The following TMEM45A variants were observed in gnomAD, a reference collection of about 807,000 sequenced individuals.
TMEM45A encodes the protein DNA polymerase-transactivated protein 4.
Under a neutral mutation model 32.0 loss-of-function variants are expected in TMEM45A, and 25 were observed. That is an observed-to-expected ratio of 0.78 (90% CI 0.57 to 1.09). TMEM45A has a LOEUF of 1.09. TMEM45A is among the 50% of genes least tolerant of loss of function. The probability of loss-of-function intolerance (pLI) is 0.00; values close to 1 mark genes in which losing one functional copy is unlikely to be tolerated. For synonymous variants in TMEM45A, 122 were observed against 114.8 expected (o/e 1.06, Z -0.40); for missense variants, 302 against 325.0 (o/e 0.93, Z 0.54).
intron 1 of TMEM45A, among the ~76,000 whole-genome samples, chr3:100,501,489 G>A (rs1708007806): frequency 6.6e-6 from 1 of 152,172 alleles, no homozygotes; most frequent in South Asian, 2.1e-4. Flanking sequence ...TGCTGATGAT[G>A]CTTAGAACTG....
At chr3:100,521,312 T>C (rs1034258391) in intron 1 of TMEM45A, among the ~76,000 whole-genome samples, 1 of 151,918 alleles carries the variant, frequency 6.6e-6, no homozygotes, top group East Asian at 1.9e-4. Context: ...TGGAGTGCAA[T>C]GGTGCAATCT....
chr3:100,550,489 T>C (rs1706073986), intron 1 of TMEM45A, among the ~76,000 whole-genome samples: 1 of 152,258 alleles, frequency 6.6e-6, no homozygotes, highest in Admixed American at 6.5e-5. Flanking sequence ...GAGTCACTAA[T>C]GAAGACTTAG....
chr3:100,565,514 G>A (rs1484041466), intron 4 of TMEM45A, among the ~76,000 whole-genome samples: 3 of 151,900 alleles, frequency 2.0e-5, no homozygotes, highest in African/African-American at 7.3e-5. Context: ...GTAATCATGG[G>A]CAAATCACTA....
chr3:100,529,964 G>T (rs986415961), intron 1 of TMEM45A, among the ~76,000 whole-genome samples: 8 of 152,176 alleles, frequency 5.3e-5, no homozygotes, highest in Non-Finnish European at 8.8e-5. Context: ...ACATGTTTAC[G>T]TGTACAGACC....
intron 1 of TMEM45A, among the ~76,000 whole-genome samples, chr3:100,542,327 A>G (rs1358177081): frequency 1.3e-5 from 2 of 152,194 alleles, no homozygotes; most frequent in Non-Finnish European, 1.5e-5. Context: ...CTATGATTTC[A>G]TAGACATATG....
At chr3:100,575,363 C>CT (rs59739893) in intron 5 of TMEM45A, among the ~76,000 whole-genome samples, 1,141 of 62,772 alleles carry the variant, frequency 0.018, 113 homozygotes, top group African/African-American at 0.036. Context: ...TATGGATTCT[C>CT]TTTTTTTTTT....
intron 1 of TMEM45A, among the ~76,000 whole-genome samples, chr3:100,507,763 G>C (rs958214392): frequency 6.6e-6 from 1 of 152,056 alleles, no homozygotes; most frequent in African/African-American, 2.4e-5. Context: ...AAAGTAGATA[G>C]AGTAAGTTTA....
chr3:100,556,734 TA>T (rs1238974023), intron 2 of TMEM45A, 25 bp from the exon 3 acceptor site: 11 of 1,594,602 alleles, frequency 6.9e-6, no homozygotes, highest in Non-Finnish European at 9.4e-6. Context: ...GCAGAGTTGC[TA>T]AAACTGTGAT....
chr3:100,546,823 G>T (rs1705987941), intron 1 of TMEM45A, among the ~76,000 whole-genome samples: 1 of 152,180 alleles, frequency 6.6e-6, no homozygotes, highest in South Asian at 2.1e-4. Context: ...TTGTTCTTAG[G>T]TAAGGGATTT....
rs868061900 is a variant in TMEM45A, at chr3:100,511,475, G to A, written c.-4+18547G>A. ...CCCTAAAAGAGCTCCTGAAGGAAGC[G>A]CTAAACATGGAAAGGAACAACTGGT... On this transcript the variant is annotated intron_variant, in intron 1 of 5. Coordinates refer to ENST00000323523, the MANE Select transcript of TMEM45A (RefSeq NM_018004.3). 2.8e-3 allele frequency among the ~76,000 whole-genome samples: 419 copies of A among 151,956 alleles called. 1 individual carries two copies. The highest frequency in any genetic ancestry group is 9.2e-3 in the African/African-American group (381 of 41,448).
chr3:100,576,130 T>G (rs1706679350), intron 5 of TMEM45A, among the ~76,000 whole-genome samples: 1 of 151,770 alleles, frequency 6.6e-6, no homozygotes, highest in Non-Finnish European at 1.5e-5. Context: ...CTGACCAACA[T>G]GGAGAAACCC....
At chr3:100,550,189 G>T (rs1706065470) in intron 1 of TMEM45A, among the ~76,000 whole-genome samples, 1 of 120,960 alleles carries the variant, frequency 8.3e-6, no homozygotes. Flanking sequence ...AAAACTTAAA[G>T]CATAATAAAA....
At chr3:100,509,922 A>G (rs1250687935) in intron 1 of TMEM45A, among the ~76,000 whole-genome samples, 2 of 152,108 alleles carry the variant, frequency 1.3e-5, no homozygotes, top group Non-Finnish European at 2.9e-5. Context: ...GGCTTAAAAA[A>G]CGGCGCACCA....
At chr3:100,575,025 C>T (rs62274581) in intron 5 of TMEM45A, among the ~76,000 whole-genome samples, 14 of 151,886 alleles carry the variant, frequency 9.2e-5, no homozygotes, top group African/African-American at 3.4e-4. Flanking sequence ...TACAGGCAGG[C>T]CAGACTTTCA....
chr3:100,535,697 G>C (rs1008806523), intron 1 of TMEM45A, among the ~76,000 whole-genome samples: 1 of 152,120 alleles, frequency 6.6e-6, no homozygotes, highest in Non-Finnish European at 1.5e-5. Flanking sequence ...CCTCATATAT[G>C]CATATTTAAT....
intron 1 of TMEM45A, among the ~76,000 whole-genome samples, chr3:100,499,777 G>A (rs1402179981): frequency 6.6e-6 from 1 of 152,168 alleles, no homozygotes; most frequent in Non-Finnish European, 1.5e-5. Context: ...CTTAGGGTCT[G>A]AGGCAGGAGA....
intron 1 of TMEM45A, among the ~76,000 whole-genome samples, 194 bp downstream of exon 1, chr3:100,493,122 T>A (rs1707871566): frequency 1.6e-4 from 7 of 44,550 alleles, no homozygotes; most frequent in South Asian, 6.3e-4. Flanking sequence ...TTGCTATTCT[T>A]TTTTTTTTTT....
intron 4 of TMEM45A, among the ~76,000 whole-genome samples, 168 bp from the exon 5 acceptor site, chr3:100,568,654 A>T (rs1421565877): frequency 6.6e-6 from 1 of 152,106 alleles, no homozygotes; most frequent in African/African-American, 2.4e-5. Flanking sequence ...CATATTAGAG[A>T]CTCTCTATAT....
At chr3:100,539,432 G>GATATGCATATGC (rs1183330652) in intron 1 of TMEM45A, among the ~76,000 whole-genome samples, 1,286 of 83,122 alleles carry the variant, frequency 0.015, 116 homozygotes, top group East Asian at 0.14. Flanking sequence ...AACCCAATAG[G>GATATGCATATGC]ATATGTATAT....
Sources: allele counts gnomAD v4.1 joint callset (sites outside exome capture counted in the v4.1 genomes callset), GRCh38; gene constraint gnomAD v4.1.1; transcripts MANE v1.5; gene names NCBI Gene and HGNC (gene_info 2026-07-23, HGNC 2026-07-21).